The following UBAC1 variants were observed in gnomAD, a reference collection of about 807,000 sequenced individuals.
UBAC1 encodes the protein ubiquitin-associated domain-containing protein 1.
UBAC1 carries 27 observed loss-of-function variants against 45.9 expected under a neutral mutation model. The ratio of observed to expected loss-of-function variants is 0.59; its 90% confidence interval spans 0.43 to 0.81. UBAC1 has a LOEUF of 0.81. UBAC1 is among the 30% of genes least tolerant of loss of function. The pLI, the probability that UBAC1 is intolerant of heterozygous loss-of-function variation, is 0.00. For synonymous variants in UBAC1, 227 were observed against 215.5 expected, an observed-to-expected ratio of 1.05 and a Z score of -0.47; for missense variants, 529 against 539.2, an observed-to-expected ratio of 0.98 and a Z score of 0.19.
intron 4 of UBAC1, among the ~76,000 whole-genome samples, chr9:135,946,811 G>T (rs1257352153): frequency 6.6e-6 from 1 of 152,240 alleles, no homozygotes; most frequent in East Asian, 1.9e-4. Flanking sequence ...TCCCCAGGCA[G>T]GAGGAGCCGT....
chr9:135,957,539 G>A (rs1418796203), intron 1 of UBAC1, among the ~76,000 whole-genome samples: 1 of 152,068 alleles, frequency 6.6e-6, no homozygotes, highest in Non-Finnish European at 1.5e-5. Context: ...CTCGGCAGAA[G>A]CTGGGGTATG....
At chr9:135,953,648 C>G in intron 3 of UBAC1, 32 bp downstream of exon 3, 1 of 1,595,816 alleles carries the variant, frequency 6.3e-7, no homozygotes, top group Non-Finnish European at 8.6e-7. Context: ...TTCTACCAAC[C>G]AAGGTCCCCA....
chr9:135,938,116 C>A (rs758581135), intron 9 of UBAC1, 106 bp downstream of exon 9: 45 of 1,499,184 alleles, frequency 3.0e-5, no homozygotes, highest in Admixed American at 2.4e-4. Context: ...GCACGGCGAT[C>A]CTCAGCGCTG....
chr9:135,936,535 G>A (rs147558894), intron 9 of UBAC1, among the ~76,000 whole-genome samples: 2,672 of 148,018 alleles, frequency 0.018, 40 homozygotes, highest in Non-Finnish European at 0.023. Context: ...TTGCTCTGAC[G>A]CCCAGGCTAG....
chr9:135,946,467 G>A (rs1053393492), intron 4 of UBAC1, 96 bp from the exon 5 acceptor site: 1 of 790,818 alleles, frequency 1.3e-6, no homozygotes, highest in Non-Finnish European at 2.2e-6. Flanking sequence ...TTGATTCTGA[G>A]AGTTGAGATG....
chr9:135,953,004 TTC>T (rs1258990715), intron 3 of UBAC1, among the ~76,000 whole-genome samples: 1 of 152,240 alleles, frequency 6.6e-6, no homozygotes, highest in Non-Finnish European at 1.5e-5. Context: ...TCCTCCGTTT[TTC>T]TGTCAGGACT....
Position 135,958,156 on chromosome 9 carries a change from C to T in UBAC1, c.139-2741G>A, listed in dbSNP as rs774442826. Among the ~76,000 whole-genome samples, 35 of 151,474 alleles carry T rather than the reference C, an allele frequency of 2.3e-4. 1 individual carries two copies. Among genetic ancestry groups the T allele is most frequent in the Non-Finnish European group, 4.3e-4 (29 of 67,970 alleles). Reference sequence around the variant, plus strand: ...CCACCTCCCAGGTTCACACCATTCTCCTGTCTCAGCCTCCCGAGTAGCTGG... The same window carrying T: ...CCACCTCCCAGGTTCACACCATTCTTCTGTCTCAGCCTCCCGAGTAGCTGG... On this transcript the variant is annotated intron_variant, in intron 1 of 9. Transcript: ENST00000371756.
Position 135,938,253 on chromosome 9 carries a change from C to T in UBAC1, c.1071G>A (p.Gln357=). Residue 357 remains glutamine, a synonymous_variant, in exon 9 of 10, where the codon CAG becomes CAA. Transcript: ENST00000371756. ...ATGTTTTCGGGTTGGTCAGGCCCAG[C>T]TGCACCACCGGGTTATCCAGGATGG... ...FQAILDNPVV[Q]LGLTNPKTLL... is the part of the protein sequence containing the mutation. 1 of 1,614,186 alleles carries T rather than the reference C, an allele frequency of 6.2e-7. No individual in the cohort carries two copies. The highest frequency in any genetic ancestry group is 8.5e-7 in the Non-Finnish European group (1 of 1,180,038).
intron 8 of UBAC1, among the ~76,000 whole-genome samples, chr9:135,938,829 G>A (rs145463679): frequency 0.011 from 1,730 of 152,122 alleles, 36 homozygotes; most frequent in African/African-American, 0.039. Flanking sequence ...GGGGATGTGG[G>A]CCACCACAGG....
At chr9:135,938,490 T>C (rs193019476) in intron 8 of UBAC1, 130 bp from the exon 9 acceptor site, 6 of 1,187,362 alleles carry the variant, frequency 5.1e-6, no homozygotes, top group African/African-American at 4.6e-5. Flanking sequence ...CTGATCTCCC[T>C]GGAAGGGACT....
chr9:135,956,051 T>C (rs1340236042), intron 1 of UBAC1, among the ~76,000 whole-genome samples: 1 of 151,970 alleles, frequency 6.6e-6, no homozygotes, highest in Non-Finnish European at 1.5e-5. Context: ...GGTGGACCAA[T>C]GGGCACGCAG....
At chr9:135,958,398 T>C (rs985804170) in intron 1 of UBAC1, among the ~76,000 whole-genome samples, 2 of 152,194 alleles carry the variant, frequency 1.3e-5, no homozygotes, top group African/African-American at 4.8e-5. Flanking sequence ...GACAGGTTCC[T>C]CTGCCCCCTT....
chr9:135,940,534 C>T (rs1255505036), intron 7 of UBAC1, among the ~76,000 whole-genome samples: 2 of 149,950 alleles, frequency 1.3e-5, no homozygotes, highest in Middle Eastern at 3.2e-3. Flanking sequence ...GAGCCAAGAT[C>T]GCGCCACTGC....
chr9:135,934,145 A>AC (rs1278063592), intron 9 of UBAC1, among the ~76,000 whole-genome samples: 1 of 152,108 alleles, frequency 6.6e-6, no homozygotes, highest in African/African-American at 2.4e-5. Flanking sequence ...CTCCATGCTG[A>AC]CCTGACACAC....
intron 7 of UBAC1, among the ~76,000 whole-genome samples, chr9:135,944,435 C>T (rs560732007): frequency 9.9e-5 from 15 of 152,284 alleles, no homozygotes; most frequent in Non-Finnish European, 1.5e-5. Flanking sequence ...CTGAGCATGT[C>T]GGAGACAGAC....
Position 135,961,188 on chromosome 9 carries a change from C to A in UBAC1, c.-26G>T. On this transcript the variant is annotated 5_prime_UTR_variant, in exon 1 of 10. Transcript: ENST00000371756. Reference sequence around the variant, plus strand: ...CCCGCCGCCGCCGCAGGGGCCTGCGCCCGCCACCCGGGCCCCTGAAGGTCA... The same window carrying A: ...CCCGCCGCCGCCGCAGGGGCCTGCGACCGCCACCCGGGCCCCTGAAGGTCA... 2 of 1,501,810 alleles carry A rather than the reference C, an allele frequency of 1.3e-6. No individual in the cohort carries two copies. Among genetic ancestry groups the A allele is most frequent in the Non-Finnish European group, 1.8e-6 (2 of 1,132,818 alleles). 93.0% of individuals were successfully genotyped at this position (1,501,810 alleles called of 1,614,324 possible). A position where few individuals can be genotyped will look rare whatever the true frequency, so the allele number is the denominator to read the frequency against.
chr9:135,960,989 C>T, intron 1 of UBAC1, 36 bp downstream of exon 1: 3 of 1,424,390 alleles, frequency 2.1e-6, no homozygotes, highest in South Asian at 1.3e-5. Flanking sequence ...GGGTCCGGAG[C>T]GGGTGTTGGG....
intron 6 of UBAC1, 67 bp from the exon 7 acceptor site, chr9:135,945,317 T>C: frequency 7.3e-7 from 1 of 1,372,506 alleles, no homozygotes; most frequent in Non-Finnish European, 9.7e-7. Context: ...CTCCTGTCCA[T>C]TCCCAAGAAG....
At chr9:135,943,299 T>C (rs185834057) in intron 7 of UBAC1, among the ~76,000 whole-genome samples, 42 of 152,114 alleles carry the variant, frequency 2.8e-4, no homozygotes, top group Admixed American at 1.4e-3. Context: ...TGTGTGCCTG[T>C]AGTCCCAGCT....
Sources: gnomAD v4.1 joint callset for allele counts (sites outside exome capture counted in the v4.1 genomes callset) on GRCh38, gnomAD v4.1.1 for gene constraint, MANE v1.5 for transcripts, NCBI Gene and HGNC (gene_info 2026-07-23, HGNC 2026-07-21) for gene names.